The following WASF3 variants were observed in gnomAD, a reference collection of about 807,000 sequenced individuals.
The protein encoded by WASF3 is WASP family member 3.
WASF3 carries 11 observed loss-of-function variants against 46.6 expected under a neutral mutation model. The observed-to-expected ratio is 0.24, with a 90% CI of 0.15 to 0.39. The LOEUF is 0.39. Ranked by LOEUF, WASF3 falls within the 10% of genes least tolerant of loss-of-function variation. WASF3 has a pLI of 1.00. For synonymous variants in WASF3, 242 were observed against 259.7 expected (o/e 0.93, Z 0.65); for missense variants, 576 against 669.8 (o/e 0.86, Z 1.55).
chr13:26,553,103 T>C (rs182966578), upstream of WASF3, among the ~76,000 whole-genome samples: 2 of 152,310 alleles, frequency 1.3e-5, no homozygotes, highest in Admixed American at 1.3e-4. Context: ...TGTTCAGTTA[T>C]CGTAATGCTA....
chr13:26,658,307 G>C (rs1353798102), intron 3 of WASF3, among the ~76,000 whole-genome samples: 1 of 152,150 alleles, frequency 6.6e-6, no homozygotes, highest in South Asian at 2.1e-4. Context: ...TTCATTTTGT[G>C]ACTATGTCAG....
the WASF3 span, among the ~76,000 whole-genome samples, chr13:26,544,581 A>G: frequency 6.6e-6 from 1 of 152,276 alleles, no homozygotes; most frequent in Middle Eastern, 3.2e-3. Context: ...AACGAAGTTA[A>G]GATCTCATTA....
At chr13:26,665,650 G>A (rs1477101534) in intron 4 of WASF3, among the ~76,000 whole-genome samples, 3 of 152,130 alleles carry the variant, frequency 2.0e-5, no homozygotes, top group Non-Finnish European at 2.9e-5. Flanking sequence ...AGCATTTACC[G>A]AAAGCCTTTA....
chr13:26,595,374 G>A (rs1378133687), intron 1 of WASF3, among the ~76,000 whole-genome samples: 1 of 152,082 alleles, frequency 6.6e-6, no homozygotes, highest in Non-Finnish European at 1.5e-5. Flanking sequence ...CACAGAACAT[G>A]GCAAAAAAGA....
chr13:26,590,685 G>A (rs1170313781), intron 1 of WASF3, among the ~76,000 whole-genome samples: 1 of 152,152 alleles, frequency 6.6e-6, no homozygotes, highest in Non-Finnish European at 1.5e-5. Flanking sequence ...TGTAAAATGT[G>A]GGAATAAAAT....
intron 2 of WASF3, among the ~76,000 whole-genome samples, chr13:26,617,668 AT>A (rs1266023669): frequency 2.0e-5 from 3 of 152,222 alleles, no homozygotes; most frequent in Non-Finnish European, 4.4e-5. Flanking sequence ...ATCTCATTTT[AT>A]AAGAATTAAA....
chr13:26,656,252 A>G (rs895808045), intron 3 of WASF3, among the ~76,000 whole-genome samples: 3 of 152,210 alleles, frequency 2.0e-5, no homozygotes, highest in African/African-American at 7.2e-5. Flanking sequence ...CCAAAGTAAA[A>G]AAAAGTTTCT....
At chr13:26,685,604 AG>A in intron 9 of WASF3, 83 bp from the exon 10 acceptor site, 2 of 1,513,096 alleles carry the variant, frequency 1.3e-6, no homozygotes, top group Non-Finnish European at 1.8e-6. Context: ...TAGAAAAAAA[AG>A]TCCAATAGAC....
intron 6 of WASF3, among the ~76,000 whole-genome samples, chr13:26,675,130 C>T (rs1354571525): frequency 6.6e-6 from 1 of 152,096 alleles, no homozygotes; most frequent in Non-Finnish European, 1.5e-5. Flanking sequence ...TCCCTATCTT[C>T]CCTCTTTTAA....
chr13:26,540,466 C>T, the WASF3 span, among the ~76,000 whole-genome samples: 1 of 152,072 alleles, frequency 6.6e-6, no homozygotes, highest in Non-Finnish European at 1.5e-5. Context: ...TAATTTCCTG[C>T]AGCTCACAAC....
At chr13:26,611,933 A>G (rs1593147502) in intron 1 of WASF3, among the ~76,000 whole-genome samples, 2 of 151,698 alleles carry the variant, frequency 1.3e-5, no homozygotes, top group East Asian at 1.9e-4. Flanking sequence ...GGGTCCAGAT[A>G]ATTCTTTTTA....
At chr13:26,672,341 C>T (rs9507761) in intron 6 of WASF3, among the ~76,000 whole-genome samples, 53,955 of 152,038 alleles carry the variant, frequency 0.35, 10,398 homozygotes, top group African/African-American at 0.5. Flanking sequence ...CTTTTGTCTT[C>T]TTAACATTTT....
intron 2 of WASF3, among the ~76,000 whole-genome samples, chr13:26,634,362 T>C (rs1459470044): frequency 3.3e-5 from 5 of 152,340 alleles, no homozygotes; most frequent in African/African-American, 1.2e-4. Flanking sequence ...CATCCCTTTA[T>C]TTTGAGCCTG....
At chr13:26,678,847 C>T (rs1048173654) in intron 7 of WASF3, among the ~76,000 whole-genome samples, 2 of 152,124 alleles carry the variant, frequency 1.3e-5, no homozygotes, top group African/African-American at 2.4e-5. Context: ...TCTGGCTGCC[C>T]GCCTGTCTAC....
intron 2 of WASF3, among the ~76,000 whole-genome samples, chr13:26,630,624 G>T (rs1881622873): frequency 6.6e-6 from 1 of 152,184 alleles, no homozygotes; most frequent in Admixed American, 6.5e-5. Context: ...AAACATACGT[G>T]TACATGTGTC....
In WASF3 at chr13:26,676,586, A is replaced by T; in HGVS notation, c.578A>T (p.Lys193Ile). The stretch of plus-strand genomic sequence containing the variant: ...ATAGATGGCACCACCCGTGAGGTGA[A>T]AAAGGTTAGAAAAGCCAGAAACAGG... ...KRIDGTTREV[K>I]KVRKARNRRQ... The change falls in exon 7 of 10, where the codon AAA becomes ATA. Residue 193 changes from lysine (K) to isoleucine (I), a missense_variant. Around this residue, in one of 3 missense-constraint regions of WASF3, gnomAD observed 213 missense variants for 278.0 expected, o/e 0.77. Transcript: ENST00000335327. 2 of 1,614,168 alleles carry T rather than the reference A, an allele frequency of 1.2e-6. No individual in the cohort carries two copies. The highest frequency in any genetic ancestry group is 1.7e-6 in the Non-Finnish European group (2 of 1,180,034).
chr13:26,563,233 T>A (rs1045512575), intron 1 of WASF3, among the ~76,000 whole-genome samples: 13 of 152,140 alleles, frequency 8.5e-5, no homozygotes, highest in Non-Finnish European at 4.4e-5. Context: ...TTTTTATTTT[T>A]ATTTTTTGTA....
At chr13:26,627,305 CT>C (rs1881497578) in intron 2 of WASF3, among the ~76,000 whole-genome samples, 1 of 151,848 alleles carries the variant, frequency 6.6e-6, no homozygotes, top group African/African-American at 2.4e-5. Context: ...TCTCAACAAC[CT>C]GTAAGGCAGG....
chr13:26,656,314 A>G (rs774076974), intron 3 of WASF3, among the ~76,000 whole-genome samples: 1 of 152,232 alleles, frequency 6.6e-6, no homozygotes, highest in African/African-American at 2.4e-5. Context: ...TTTCATAAAC[A>G]AATGAAAACA....
Sources: gnomAD v4.1 joint callset for allele counts (sites outside exome capture counted in the v4.1 genomes callset) on GRCh38, gnomAD v4.1.1 for gene constraint, gnomAD v4.1.1 regional missense constraint, MANE v1.5 for transcripts, NCBI Gene and HGNC (gene_info 2026-07-23, HGNC 2026-07-21) for gene names.